Variants in AGBL1 observed in about 807,000 individuals in gnomAD.
AGBL1 encodes the protein AGBL carboxypeptidase 1.
In AGBL1, 130 loss-of-function variants were observed where a neutral mutation model predicts 118.9. The observed-to-expected ratio is 1.09, with a 90% CI of 0.95 to 1.26. The LOEUF is 1.26. Among genes scored for constraint, AGBL1 ranks in the 50% most tolerant of loss-of-function variants. The probability of loss-of-function intolerance (pLI) is 0.00; values close to 1 mark genes in which losing one functional copy is unlikely to be tolerated. For synonymous variants in AGBL1, 555 were observed against 478.9 expected (o/e 1.16, Z -2.08); for missense variants, 1,584 against 1,298.1 (o/e 1.22, Z -3.38).
At chr15:86,646,731 G>C (rs759554644) in intron 21 of AGBL1, among the ~76,000 whole-genome samples, 1 of 152,136 alleles carries the variant, frequency 6.6e-6, no homozygotes, top group Non-Finnish European at 1.5e-5. Flanking sequence ...TTTGCCATTA[G>C]TCAGTCCTAT....
intron 19 of AGBL1, among the ~76,000 whole-genome samples, chr15:86,528,101 G>A (rs1030158221): frequency 2.6e-5 from 4 of 152,178 alleles, no homozygotes; most frequent in Non-Finnish European, 5.9e-5. Context: ...TCTGGGGGGA[G>A]GAGCCAAGAT....
chr15:86,328,296 G>A (rs1339462009), intron 17 of AGBL1, among the ~76,000 whole-genome samples: 2 of 152,120 alleles, frequency 1.3e-5, no homozygotes, highest in Non-Finnish European at 2.9e-5. Context: ...GAGACAAAGT[G>A]AACAAGTGAG....
chr15:86,696,719 C>T (rs1001193284), intron 22 of AGBL1, among the ~76,000 whole-genome samples: 5 of 151,608 alleles, frequency 3.3e-5, no homozygotes, highest in African/African-American at 9.7e-5. Context: ...TAAAGAGGTT[C>T]TATTTTGATG....
intron 22 of AGBL1, among the ~76,000 whole-genome samples, chr15:86,686,552 C>T (rs1338347720): frequency 6.6e-6 from 1 of 150,916 alleles, no homozygotes; most frequent in Non-Finnish European, 1.5e-5. Flanking sequence ...ATTCTCCTGC[C>T]TCAGCCTCCC....
In AGBL1 at chr15:86,914,507, G is replaced by A. The variant is rs1045035371; in HGVS notation, c.*7213G>A. ...AACTCATGCTCCCTCCACTTCCCCA[G>A]AGGAGGTGAATATGAACCATAACAC... On this transcript the variant is annotated 3_prime_UTR_variant, in exon 23 of 23. Transcript: ENST00000614907. 6.6e-6 allele frequency: 1 copy of A among 152,180 alleles called. No homozygotes were observed. The highest frequency in any genetic ancestry group is 1.5e-5 in the Non-Finnish European group (1 of 68,040). 9.4% of individuals were successfully genotyped at this position (152,180 alleles called of 1,614,324 possible).
In AGBL1 at chr15:86,421,293, G is replaced by A. The variant is rs12915449; in HGVS notation, c.2555+23747G>A. Among the ~76,000 whole-genome samples, 1,211 of 152,258 alleles carry A rather than the reference G, an allele frequency of 8.0e-3. 9 individuals are homozygous for A. Among genetic ancestry groups the A allele is most frequent in the Non-Finnish European group, 0.012 (819 of 68,012 alleles). On this transcript the variant is annotated intron_variant, in intron 18 of 22. Transcript: ENST00000614907. ...TGGAAACCCTACAAGCCAGAAGAGA[G>A]TGGGGCCAATATTCAACATTCTTAA...
At chr15:86,554,300 T>A (rs1385141984) in intron 20 of AGBL1, 61 bp from the exon 21 acceptor site, 3 of 1,366,874 alleles carry the variant, frequency 2.2e-6, no homozygotes, top group African/African-American at 3.0e-5. Flanking sequence ...AAGCTATTTT[T>A]ATGATGACTA....
At chr15:86,686,428 T>A (rs954787593) in intron 22 of AGBL1, among the ~76,000 whole-genome samples, 1 of 150,908 alleles carries the variant, frequency 6.6e-6, no homozygotes, top group Non-Finnish European at 1.5e-5. Flanking sequence ...TATTGACTGC[T>A]TAGCATATTC....
intron 23 of AGBL1, among the ~76,000 whole-genome samples, chr15:86,931,205 T>C (rs2080599080): frequency 1.3e-5 from 2 of 152,234 alleles, no homozygotes; most frequent in South Asian, 2.1e-4. Context: ...TATGACATGT[T>C]ACCCTTCGCT....
At chr15:86,160,461 A>C (rs2077252002) in intron 5 of AGBL1, among the ~76,000 whole-genome samples, 1 of 152,174 alleles carries the variant, frequency 6.6e-6, no homozygotes, top group African/African-American at 2.4e-5. Flanking sequence ...CTGAGTTCTA[A>C]GAAGCCATGG....
At position 86,256,923 on chromosome 15, in the gene AGBL1, C is replaced by T. The variant is rs185896474; in HGVS notation, c.806C>T (p.Pro269Leu). Residue 269 changes from proline (P) to leucine (L), a missense_variant, in exon 8 of 23, where the codon CCT (proline) becomes CTT (leucine). Coordinates refer to ENST00000614907, the MANE Select transcript of AGBL1 (RefSeq NM_001386094.1). ...VVLQILRQCY[P>L]TSPLPLVTAS... ...CTTCAGATCCTGAGGCAGTGCTACC[C>T]TACGAGTCCACTTCCCTTGGTCACA... 0.012 allele frequency: 18,936 copies of T among 1,613,926 alleles called. 126 individuals carry two copies. Among genetic ancestry groups the T allele is most frequent in the Non-Finnish European group, 0.014 (16,892 of 1,179,856 alleles).
intron 5 of AGBL1, among the ~76,000 whole-genome samples, chr15:86,190,709 C>G (rs1012486435): frequency 1.3e-5 from 2 of 152,174 alleles, no homozygotes; most frequent in Middle Eastern, 3.4e-3. Flanking sequence ...TGAGGGGAAG[C>G]TAATAAGGTA....
chr15:86,858,867 A>G (rs1170424698), intron 22 of AGBL1, among the ~76,000 whole-genome samples: 1 of 152,178 alleles, frequency 6.6e-6, no homozygotes, highest in African/African-American at 2.4e-5. Context: ...TGTCTTTCTT[A>G]TCAGGCCTTC....
At chr15:86,305,577 G>A (rs1357419609) in intron 17 of AGBL1, among the ~76,000 whole-genome samples, 1 of 152,128 alleles carries the variant, frequency 6.6e-6, no homozygotes, top group Admixed American at 6.5e-5. Flanking sequence ...ACTAAAAAGT[G>A]TCAACATGTC....
chr15:86,940,844 C>A (rs1227380690), intron 23 of AGBL1, among the ~76,000 whole-genome samples: 1 of 152,174 alleles, frequency 6.6e-6, no homozygotes, highest in African/African-American at 2.4e-5. Flanking sequence ...TCCTACCTTA[C>A]AAGAAATATA....
At chr15:86,150,536 A>T (rs1467619711) in intron 3 of AGBL1, among the ~76,000 whole-genome samples, 1 of 152,196 alleles carries the variant, frequency 6.6e-6, no homozygotes, top group East Asian at 1.9e-4. Context: ...GAAATGGATA[A>T]ATTCCTGGGC....
chr15:86,337,275 G>A (rs1291179703), intron 17 of AGBL1, among the ~76,000 whole-genome samples: 1 of 152,136 alleles, frequency 6.6e-6, no homozygotes, highest in Non-Finnish European at 1.5e-5. Context: ...AGTCACTCAT[G>A]TTGTGCAAGA....
chr15:86,390,575 T>C (rs529798283), intron 17 of AGBL1, among the ~76,000 whole-genome samples: 2 of 151,992 alleles, frequency 1.3e-5, no homozygotes, highest in East Asian at 3.9e-4. Flanking sequence ...TAAAAGAAAT[T>C]ACTGATGCAT....
chr15:86,830,085 G>T (rs1286653634), intron 22 of AGBL1, among the ~76,000 whole-genome samples: 1 of 151,934 alleles, frequency 6.6e-6, no homozygotes, highest in Non-Finnish European at 1.5e-5. Context: ...AGAGTTAGAT[G>T]TATTTAGATT....
Sources: gnomAD v4.1 joint callset for allele counts (sites outside exome capture counted in the v4.1 genomes callset) on GRCh38, gnomAD v4.1.1 for gene constraint, MANE v1.5 for transcripts, NCBI Gene and HGNC (gene_info 2026-07-23, HGNC 2026-07-21) for gene names.